BRI3BP: variants seen among roughly 807,000 people sequenced by gnomAD.
The protein encoded by BRI3BP is BRI3 binding protein.
BRI3BP carries 7 observed loss-of-function variants against 15.8 expected under a neutral mutation model. The observed-to-expected ratio is 0.44, with a 90% confidence interval of 0.25 to 0.83. The LOEUF (loss-of-function observed/expected upper bound fraction) is 0.83. Among genes scored for constraint, BRI3BP ranks in the 40% least tolerant of loss-of-function variants. The probability of loss-of-function intolerance (pLI) is 0.20; values close to 1 mark genes in which losing one functional copy is unlikely to be tolerated. For synonymous variants in BRI3BP, 192 were observed against 163.5 expected, an observed-to-expected ratio of 1.17 and a Z score of -1.33; for missense variants, 320 against 339.3, an observed-to-expected ratio of 0.94 and a Z score of 0.45.
Position 125,028,058 on chromosome 12 carries a change from T to G in BRI3BP, c.*2628T>G, listed in dbSNP as rs1276585886. ...TTGAAATCATTCTAGTTTTGTCATTTAGATACTTGTAGATGAATCTATTTT... is the reference window on the plus strand; with the variant it reads ...TTGAAATCATTCTAGTTTTGTCATTGAGATACTTGTAGATGAATCTATTTT... On this transcript the variant is annotated 3_prime_UTR_variant, in exon 3 of 3. Coordinates refer to ENST00000341446, the MANE Select transcript of BRI3BP (RefSeq NM_080626.6). The G allele has an allele frequency of 6.6e-6, 1 of 152,248 alleles. No homozygotes were observed. The highest frequency in any genetic ancestry group is 1.9e-4 in the East Asian group (1 of 5,198). 9.4% of individuals were successfully genotyped at this position (152,248 alleles called of 1,614,324 possible). A position where few individuals can be genotyped will look rare whatever the true frequency, so the allele number is the denominator to read the frequency against.
the BRI3BP span, among the ~76,000 whole-genome samples, chr12:125,039,893 A>G: frequency 6.6e-6 from 1 of 152,218 alleles, no homozygotes; most frequent in African/African-American, 2.4e-5. Context: ...TCCAAACAGA[A>G]TGAATGGAAA....
chr12:125,012,628 G>T lies in BRI3BP; in HGVS notation c.308G>T (p.Gly103Val). The change falls in exon 2 of 3, where the codon GGA becomes GTA. Residue 103 changes from glycine (G) to valine (V), a missense_variant. By Grantham distance (109) the Gly-to-Val change is moderately radical (BLOSUM62 -3). Transcript: ENST00000341446. Reference protein sequence around the residue: ...KVWTELLDVLGLDVSNLSQYF... With the variant: ...KVWTELLDVLVLDVSNLSQYF... ...TGGACCGAGCTCTTGGATGTTCTTG[G>T]ACTTGACGGTAGGTGTAGGGGTGGC... 1.9e-6 allele frequency: 3 copies of T among 1,602,580 alleles called. No homozygotes were observed. Among genetic ancestry groups the T allele is most frequent in the East Asian group, 4.5e-5 (2 of 44,798 alleles).
At chr12:125,008,405 C>T (rs1429762377) in intron 1 of BRI3BP, among the ~76,000 whole-genome samples, 1 of 150,972 alleles carries the variant, frequency 6.6e-6, no homozygotes, top group East Asian at 2.0e-4. Flanking sequence ...CTCCGCCTCC[C>T]GGGTTCACAC....
intron 1 of BRI3BP, among the ~76,000 whole-genome samples, chr12:125,009,633 C>T (rs1200812970): frequency 1.3e-5 from 2 of 149,176 alleles, no homozygotes; most frequent in Non-Finnish European, 3.0e-5. Flanking sequence ...GGGGGGGTCT[C>T]ATTTTGTTGC....
Position 125,025,001 on chromosome 12 carries a change from G to A in BRI3BP, c.327G>A (p.Leu109=), listed in dbSNP as rs770538054. 1.7e-5 allele frequency: 27 copies of A among 1,612,406 alleles called. No individual in the cohort carries two copies. The East Asian group carries it at 2.0e-4, about 12-fold the overall frequency. ...LDVLGLDVSN[L]SQYFSPASVS... ...TTTTCTGTCCCGCAGTCTCCAACCT[G>A]TCCCAGTATTTCAGCCCAGCCTCGG... Residue 109 remains leucine, a synonymous_variant, in exon 3 of 3, where the codon CTG becomes CTA. Coordinates refer to ENST00000341446, the MANE Select transcript of BRI3BP (RefSeq NM_080626.6).
At chr12:125,016,154 C>T (rs1443936590) in intron 2 of BRI3BP, among the ~76,000 whole-genome samples, 6 of 152,248 alleles carry the variant, frequency 3.9e-5, no homozygotes, top group East Asian at 3.9e-4. Context: ...GTTCTGGAGG[C>T]GAAACGAGCT....
chr12:125,032,399 A>G (rs970271969), downstream of BRI3BP, among the ~76,000 whole-genome samples: 26 of 152,124 alleles, frequency 1.7e-4, no homozygotes, highest in Admixed American at 1.5e-3. Context: ...TGGAAGTTGC[A>G]GTGAGCTGAA....
intron 2 of BRI3BP, among the ~76,000 whole-genome samples, chr12:125,020,347 C>T (rs1238137939): frequency 6.6e-6 from 1 of 152,194 alleles, no homozygotes; most frequent in African/African-American, 2.4e-5. Flanking sequence ...TAGACGATGC[C>T]TCACTGTGTC....
At chr12:125,048,125 A>G in the BRI3BP span, among the ~76,000 whole-genome samples, 11 of 151,876 alleles carry the variant, frequency 7.2e-5, no homozygotes, top group Non-Finnish European at 1.5e-4. Flanking sequence ...AATGCTCTGG[A>G]CAGATTGAAA....
At chr12:125,008,564 G>A (rs1260904884) in intron 1 of BRI3BP, among the ~76,000 whole-genome samples, 2 of 151,664 alleles carry the variant, frequency 1.3e-5, no homozygotes, top group Admixed American at 1.3e-4. Context: ...CGCCCGCCTC[G>A]GCCTCCCAAG....
At position 125,025,852 on chromosome 12, in the gene BRI3BP, G is replaced by T; in HGVS notation, c.*422G>T. On this transcript the variant is annotated 3_prime_UTR_variant, in exon 3 of 3. Coordinates refer to ENST00000341446, the MANE Select transcript of BRI3BP (RefSeq NM_080626.6). ...AAGAATATGCTAATTTGACATTTGA[G>T]AAAAGTTTAAATGCGAGCGTTTGTT... 1 of 157,206 alleles carries T rather than the reference G, an allele frequency of 6.4e-6. No individual in the cohort carries two copies. The highest frequency in any genetic ancestry group is 2.4e-5 in the African/African-American group (1 of 41,734). The allele number at this position is 157,206 out of a possible 1,614,324, so 9.7% of individuals were successfully genotyped here.
At chr12:125,041,781 C>T in the BRI3BP span, among the ~76,000 whole-genome samples, 2 of 152,178 alleles carry the variant, frequency 1.3e-5, no homozygotes, top group African/African-American at 2.4e-5. Flanking sequence ...ACTGTGGCTT[C>T]GACTTCTTGG....
intron 1 of BRI3BP, among the ~76,000 whole-genome samples, chr12:125,001,636 A>T (rs1264722308): frequency 4.6e-5 from 7 of 152,240 alleles, no homozygotes. Flanking sequence ...TTGGCCTCCC[A>T]AAGTGCTGGG....
chr12:125,004,316 C>T (rs1041042618), intron 1 of BRI3BP, among the ~76,000 whole-genome samples: 1 of 152,098 alleles, frequency 6.6e-6, no homozygotes, highest in Admixed American at 6.6e-5. Flanking sequence ...ACCACAGGTA[C>T]ATGCCACCAT....
At chr12:125,014,865 C>CTCGT (rs1955229400) in intron 2 of BRI3BP, among the ~76,000 whole-genome samples, 2 of 152,170 alleles carry the variant, frequency 1.3e-5, no homozygotes, top group Non-Finnish European at 1.5e-5. Context: ...ACTTCCTGGG[C>CTCGT]TCGTGATCCT....
intron 1 of BRI3BP, 40 bp from the exon 2 acceptor site, chr12:125,012,494 A>AAACAGTGATTGGGTG (rs2135993731): frequency 1.3e-6 from 2 of 1,501,746 alleles, no homozygotes; most frequent in East Asian, 4.5e-5. Flanking sequence ...TGATGGAGGA[A>AAACAGTGATTGGGTG]AACAGTGATT....
intron 1 of BRI3BP, among the ~76,000 whole-genome samples, chr12:125,008,570 C>T (rs1190542821): frequency 2.0e-5 from 3 of 151,992 alleles, no homozygotes; most frequent in Non-Finnish European, 4.4e-5. Context: ...CCTCGGCCTC[C>T]CAAGTGCTGG....
chr12:125,006,967 G>T (rs142840837), intron 1 of BRI3BP, among the ~76,000 whole-genome samples: 307 of 152,298 alleles, frequency 2.0e-3, no homozygotes, highest in African/African-American at 7.1e-3. Flanking sequence ...GGGAGGTCAA[G>T]GTGGGTGGAT....
At position 125,025,269 on chromosome 12, in the gene BRI3BP, G is replaced by T. The variant is rs752859936; in HGVS notation, c.595G>T (p.Gly199Trp). 2 of 1,614,022 alleles carry T rather than the reference G, an allele frequency of 1.2e-6. No homozygotes were observed. The change falls in exon 3 of 3, where the codon GGG (glycine) becomes TGG (tryptophan). Residue 199 changes from glycine (G) to tryptophan (W), a missense_variant. Coordinates refer to ENST00000341446, the MANE Select transcript of BRI3BP (RefSeq NM_080626.6). ...CGTGGTGGCCGTCTACTTCATGACC[G>T]GGCCCATGGGCTTCTACTGGCGAAG... is the stretch of plus-strand genomic sequence containing the variant. Reference protein sequence around the residue: ...CFVVAVYFMTGPMGFYWRSSP... With the variant: ...CFVVAVYFMTWPMGFYWRSSP...
Sources: allele counts gnomAD v4.1 joint callset (sites outside exome capture counted in the v4.1 genomes callset), GRCh38; gene constraint gnomAD v4.1.1; transcripts MANE v1.5; gene names NCBI Gene and HGNC (gene_info 2026-07-23, HGNC 2026-07-21).